The following HDX variants were observed in gnomAD, a reference collection of about 807,000 sequenced individuals.
HDX encodes chromosome X open reading frame 43.
Under a neutral mutation model 45.2 loss-of-function variants are expected in HDX, and 19 were observed. The observed-to-expected ratio is 0.42, with a 90% confidence interval of 0.29 to 0.62. The LOEUF (loss-of-function observed/expected upper bound fraction) is 0.62. Ranked by LOEUF, HDX falls within the 20% of genes least tolerant of loss-of-function variation. HDX has a pLI of 0.20. For missense variants in HDX, 532 were observed against 493.9 expected (o/e 1.08, Z -0.73); for synonymous variants, 188 against 172.8 (o/e 1.09, Z -0.69).
chrX:84,338,269 T>G (rs2147786275), intron 7 of HDX, among the ~76,000 whole-genome samples: 1 of 110,930 alleles, frequency 9.0e-6, no homozygotes, highest in Non-Finnish European at 1.9e-5. Context: ...AGAATTTTGA[T>G]GCAAAGTCCA....
At chrX:84,479,883 A>G (rs1320806292) in intron 2 of HDX, among the ~76,000 whole-genome samples, 1 of 111,041 alleles carries the variant, frequency 9.0e-6, no homozygotes, top group Non-Finnish European at 1.9e-5. Flanking sequence ...TATTTGCCAT[A>G]TTTTTTAATT....
intron 5 of HDX, among the ~76,000 whole-genome samples, chrX:84,391,378 T>C (rs570662705): frequency 9.8e-5 from 11 of 112,166 alleles, no homozygotes; most frequent in African/African-American, 3.2e-4. Flanking sequence ...ATTCCATATG[T>C]TTGCTATTGT....
intron 5 of HDX, among the ~76,000 whole-genome samples, chrX:84,417,221 AAAG>A (rs2039132194): frequency 1.3e-4 from 14 of 107,125 alleles, no homozygotes; most frequent in East Asian, 5.9e-4. Context: ...AAAAAGAGAG[AAAG>A]AAAGAAAGAA....
At position 84,479,842 on chromosome X, in the gene HDX, G is replaced by A. The variant is rs892042875; in HGVS notation, c.1-4445C>T. Among the ~76,000 whole-genome samples, 11 of 110,850 alleles carry A rather than the reference G, an allele frequency of 9.9e-5. No individual in the cohort carries two copies. The South Asian group carries it at 1.1e-3, about 11-fold the overall frequency. On this transcript the variant is annotated intron_variant, in intron 2 of 10. Coordinates refer to ENST00000373177, the MANE Select transcript of HDX (RefSeq NM_001177479.2). ...TGAACATCTTTTTGTATACTTACCCGCCACTTCTTTGTGGAAGTGTTTTAC... is the reference window on the plus strand; with the variant it reads ...TGAACATCTTTTTGTATACTTACCCACCACTTCTTTGTGGAAGTGTTTTAC...
At chrX:84,336,729 T>G (rs1298265802) in intron 8 of HDX, 72 bp downstream of exon 8, 7 of 692,654 alleles carry the variant, frequency 1.0e-5, no homozygotes, top group Admixed American at 6.3e-5. Flanking sequence ...AAAATGAGAA[T>G]ATTTTCACCA....
At chrX:84,406,541 G>C (rs28473128) in intron 5 of HDX, among the ~76,000 whole-genome samples, 2 of 104,637 alleles carry the variant, frequency 1.9e-5, no homozygotes, top group East Asian at 3.0e-4. Flanking sequence ...CACACTCTAT[G>C]TATCTATCTA....
chrX:84,488,378 T>A (rs6623037), intron 1 of HDX, among the ~76,000 whole-genome samples: 3 of 109,716 alleles, frequency 2.7e-5, no homozygotes, highest in East Asian at 5.7e-4. Context: ...CAGTTTTCCG[T>A]CTTTCTCAGA....
intron 4 of HDX, among the ~76,000 whole-genome samples, chrX:84,457,728 T>C (rs1602493385): frequency 3.6e-5 from 4 of 111,746 alleles, no homozygotes; most frequent in African/African-American, 1.3e-4. Context: ...ATTATGTTTC[T>C]TTCTCAGCTT....
intron 5 of HDX, among the ~76,000 whole-genome samples, chrX:84,422,958 G>GT (rs1482796924): frequency 2.7e-5 from 3 of 110,017 alleles, no homozygotes; most frequent in African/African-American, 6.6e-5. Flanking sequence ...GTTAAAAGTT[G>GT]TTTTTTTGAA....
chrX:84,469,049 A>T lies in HDX; in HGVS notation c.674T>A (p.Val225Asp). ...VCHRPCKIEPVGIQRSYKPEH... is the reference protein window; with the variant it reads ...VCHRPCKIEPDGIQRSYKPEH... Reference sequence around the variant, plus strand: ...AGGCTTATATGACCTTTGAATCCCAACTGGTTCAATTTTACAAGGTCGGTG... The same window carrying T: ...AGGCTTATATGACCTTTGAATCCCATCTGGTTCAATTTTACAAGGTCGGTG... The change falls in exon 4 of 11, where the codon GTT (valine) becomes GAT (aspartate). Residue 225 changes from valine (V) to aspartate (D), a missense_variant. Transcript: ENST00000373177. 8.3e-7 allele frequency: 1 copy of T among 1,211,648 alleles called. No homozygotes were observed. The highest frequency in any genetic ancestry group is 2.3e-4 in the Middle Eastern group (1 of 4,353).
chrX:84,483,207 G>A (rs1394466019), intron 2 of HDX, among the ~76,000 whole-genome samples: 1 of 111,448 alleles, frequency 9.0e-6, no homozygotes, highest in Non-Finnish European at 1.9e-5. Context: ...CTGGTGTTGA[G>A]GACAGTGGCC....
chrX:84,336,754 C>T (rs752299911), intron 8 of HDX, 47 bp downstream of exon 8: 1 of 851,743 alleles, frequency 1.2e-6, no homozygotes, highest in Admixed American at 2.6e-5. Context: ...GATACTTGGG[C>T]TTGAAATCAA....
intron 4 of HDX, among the ~76,000 whole-genome samples, chrX:84,450,947 A>G (rs2039984168): frequency 8.9e-6 from 1 of 112,062 alleles, no homozygotes; most frequent in Non-Finnish European, 1.9e-5. Context: ...TCTGAAAAAG[A>G]GGGAAGAAAT....
rs764935072 is a variant in HDX, at chrX:84,496,561, A to C, written c.-110+5781T>G. Among the ~76,000 whole-genome samples, 319 of 110,875 alleles carry C rather than the reference A, an allele frequency of 2.9e-3. 2 individuals are homozygous for C. The highest frequency in any genetic ancestry group is 0.01 in the African/African-American group (311 of 30,536). On this transcript the variant is annotated intron_variant, in intron 1 of 10. Coordinates refer to ENST00000373177, the MANE Select transcript of HDX (RefSeq NM_001177479.2). ...ATCCCTACCTGAGGCTCCATATCAC[A>C]AACAATACTGAATTCAAAATGTTTC...
chrX:84,355,719 G>A (rs983336751), intron 6 of HDX, among the ~76,000 whole-genome samples: 9 of 109,586 alleles, frequency 8.2e-5, no homozygotes, highest in Admixed American at 7.9e-4. Flanking sequence ...TGGGGTGGGA[G>A]GAGGGGGGAG....
intron 5 of HDX, among the ~76,000 whole-genome samples, chrX:84,390,899 T>C (rs1036127240): frequency 8.9e-6 from 1 of 111,843 alleles, no homozygotes. Context: ...GAATGTGTAA[T>C]GATCAAGTCA....
intron 5 of HDX, among the ~76,000 whole-genome samples, chrX:84,373,820 C>T (rs1388745503): frequency 9.0e-6 from 1 of 111,277 alleles, no homozygotes; most frequent in African/African-American, 3.3e-5. Context: ...TGTGCAAAAA[C>T]TGGAAGCATT....
Position 84,361,689 on chromosome X carries a change from C to A in HDX, c.1306-77G>T, listed in dbSNP as rs1484151755. On this transcript the variant is annotated intron_variant, in intron 5 of 10. Coordinates refer to ENST00000373177, the MANE Select transcript of HDX (RefSeq NM_001177479.2). ...AAGGAAATAATATTATAAAGAGAAG[C>A]ATCAGGGTGAGATGTGCTACGATAC... is the stretch of plus-strand genomic sequence containing the variant. 5 of 804,102 alleles carry A rather than the reference C, an allele frequency of 6.2e-6. No homozygotes were observed. The African/African-American group carries it at 8.4e-5, about 13-fold the overall frequency. The allele number at this position is 804,102 out of a possible 1,213,427, so 66.3% of individuals were successfully genotyped here.
intron 5 of HDX, among the ~76,000 whole-genome samples, chrX:84,385,413 C>T (rs1200326649): frequency 4.6e-4 from 49 of 106,018 alleles, no homozygotes; most frequent in African/African-American, 1.6e-3. Flanking sequence ...CGGGGTTTCA[C>T]CGTTTTAGCC....
Sources: gnomAD v4.1 joint callset for allele counts (sites outside exome capture counted in the v4.1 genomes callset) on GRCh38, gnomAD v4.1.1 for gene constraint, MANE v1.5 for transcripts, NCBI Gene and HGNC (gene_info 2026-07-23, HGNC 2026-07-21) for gene names.